Variants in PARD3B observed in about 807,000 individuals in gnomAD.
The protein encoded by PARD3B is par-3 family cell polarity regulator beta, also known as partitioning defective 3 homolog B.
In PARD3B, 103 loss-of-function variants were observed where a neutral mutation model predicts 130.2. That is an observed-to-expected ratio of 0.79 (90% CI 0.67 to 0.93). The LOEUF is 0.93. Among genes scored for constraint, PARD3B ranks in the 40% least tolerant of loss-of-function variants. The pLI is 0.00. For synonymous variants in PARD3B, 583 were observed against 553.2 expected (o/e 1.05, Z -0.76); for missense variants, 1,609 against 1,499.2 (o/e 1.07, Z -1.21).
At chr2:204,931,966 A>G (rs1688067849) in intron 2 of PARD3B, among the ~76,000 whole-genome samples, 1 of 152,034 alleles carries the variant, frequency 6.6e-6, no homozygotes, top group Non-Finnish European at 1.5e-5. Flanking sequence ...ACAGCTGCAA[A>G]ATTCTTAAGA....
chr2:204,568,871 A>G (rs768615913), intron 1 of PARD3B, among the ~76,000 whole-genome samples: 3 of 151,446 alleles, frequency 2.0e-5, no homozygotes, highest in Admixed American at 6.6e-5. Flanking sequence ...AGGGGAATCA[A>G]TTGAACCTGG....
chr2:205,277,237 T>C (rs1369062521), intron 16 of PARD3B, among the ~76,000 whole-genome samples: 1 of 152,220 alleles, frequency 6.6e-6, no homozygotes, highest in Non-Finnish European at 1.5e-5. Flanking sequence ...ACAAACAATG[T>C]ACAGAATGGG....
At chr2:205,581,283 T>TAG (rs1309815443) in intron 22 of PARD3B, among the ~76,000 whole-genome samples, 46 of 127,526 alleles carry the variant, frequency 3.6e-4, no homozygotes, top group Admixed American at 2.3e-3. Context: ...TAGATATAGA[T>TAG]ATATAGATAG....
At chr2:205,538,553 G>T (rs191683999) in intron 21 of PARD3B, among the ~76,000 whole-genome samples, 1 of 152,054 alleles carries the variant, frequency 6.6e-6, no homozygotes, top group African/African-American at 2.4e-5. Context: ...TATACATATA[G>T]TGTAAAAAAA....
intron 1 of PARD3B, among the ~76,000 whole-genome samples, chr2:204,683,382 A>G (rs913840642): frequency 1.3e-5 from 2 of 152,218 alleles, no homozygotes; most frequent in African/African-American, 4.8e-5. Flanking sequence ...ACACCTTTTC[A>G]TATCTGATCA....
chr2:205,526,697 GA>G (rs983573588), intron 21 of PARD3B, among the ~76,000 whole-genome samples: 14 of 152,048 alleles, frequency 9.2e-5, no homozygotes, highest in South Asian at 2.1e-4. Flanking sequence ...TAATTGACAT[GA>G]AAAAAAATTA....
Position 204,798,253 on chromosome 2 carries a change from C to T in PARD3B, c.222+111971C>T, listed in dbSNP as rs772486980. Among the ~76,000 whole-genome samples the T allele has an allele frequency of 7.2e-5, 11 of 152,090 alleles. No homozygotes were observed. In the East Asian group the frequency reaches 1.2e-3, roughly 16 times the overall value. ...CTGTATGCTTGAGGGAGAGAGAACGCGGTTCCTTTGGGACTTGGCGTTGGA... is the reference window on the plus strand; with the variant it reads ...CTGTATGCTTGAGGGAGAGAGAACGTGGTTCCTTTGGGACTTGGCGTTGGA... On this transcript the variant is annotated intron_variant, in intron 2 of 22. Transcript: ENST00000406610.
chr2:205,172,672 A>C (rs1487793428), intron 12 of PARD3B, among the ~76,000 whole-genome samples: 1 of 152,158 alleles, frequency 6.6e-6, no homozygotes, highest in African/African-American at 2.4e-5. Context: ...TTTTTGGTTG[A>C]TATGCTAGCA....
intron 2 of PARD3B, among the ~76,000 whole-genome samples, chr2:204,777,140 C>G (rs976655602): frequency 6.6e-6 from 1 of 152,184 alleles, no homozygotes; most frequent in African/African-American, 2.4e-5. Flanking sequence ...AGAAAAACAA[C>G]TTTGAATAAG....
intron 2 of PARD3B, among the ~76,000 whole-genome samples, chr2:204,774,243 A>T (rs1035901475): frequency 6.6e-6 from 1 of 151,754 alleles, no homozygotes; most frequent in African/African-American, 2.4e-5. Context: ...ATACTTCCTA[A>T]CATTATGTAT....
At chr2:205,218,319 A>C (rs1559553593) in intron 15 of PARD3B, among the ~76,000 whole-genome samples, 1 of 152,208 alleles carries the variant, frequency 6.6e-6, no homozygotes, top group Non-Finnish European at 1.5e-5. Flanking sequence ...ACAAAAACCT[A>C]CTGAAGTATG....
intron 10 of PARD3B, among the ~76,000 whole-genome samples, chr2:205,127,367 A>C (rs1159981668): frequency 6.6e-6 from 1 of 152,236 alleles, no homozygotes; most frequent in African/African-American, 2.4e-5. Flanking sequence ...ACAAATAGAA[A>C]CAAATGTGAT....
intron 20 of PARD3B, among the ~76,000 whole-genome samples, chr2:205,474,955 G>T (rs377713750): frequency 2.0e-5 from 3 of 152,026 alleles, no homozygotes; most frequent in African/African-American, 7.2e-5. Flanking sequence ...TTTTCAGCTC[G>T]CCTCAGCCGT....
chr2:205,566,486 T>G (rs2053337731), intron 22 of PARD3B, among the ~76,000 whole-genome samples: 2 of 152,008 alleles, frequency 1.3e-5, no homozygotes, highest in Admixed American at 1.3e-4. Flanking sequence ...GTGTTAAGAA[T>G]GGATCCACAC....
intron 15 of PARD3B, among the ~76,000 whole-genome samples, chr2:205,201,190 T>C (rs1002628903): frequency 3.3e-5 from 5 of 152,174 alleles, no homozygotes; most frequent in African/African-American, 9.7e-5. Flanking sequence ...ATTTGAGTCA[T>C]AGGAGAGCTC....
At chr2:204,825,462 G>A (rs1369624959) in intron 2 of PARD3B, among the ~76,000 whole-genome samples, 2 of 152,184 alleles carry the variant, frequency 1.3e-5, no homozygotes, top group African/African-American at 2.4e-5. Context: ...TCATTCATAT[G>A]TATTTGTGCC....
intron 2 of PARD3B, among the ~76,000 whole-genome samples, chr2:204,818,068 T>C (rs1004148369): frequency 6.6e-6 from 1 of 152,176 alleles, no homozygotes; most frequent in African/African-American, 2.4e-5. Context: ...TGCTGGTATA[T>C]CCTAATGACA....
chr2:205,510,164 A>T (rs1487604792), intron 21 of PARD3B, among the ~76,000 whole-genome samples: 2 of 152,198 alleles, frequency 1.3e-5, no homozygotes, highest in African/African-American at 4.8e-5. Context: ...CTCCTTTAAA[A>T]GTGAGAGAAT....
intron 1 of PARD3B, among the ~76,000 whole-genome samples, chr2:204,668,032 G>A (rs1350250098): frequency 6.6e-6 from 1 of 152,208 alleles, no homozygotes; most frequent in African/African-American, 2.4e-5. Context: ...CATTTCTGTT[G>A]TGGAAGGAGG....
Sources: gnomAD v4.1 joint callset for allele counts (sites outside exome capture counted in the v4.1 genomes callset) on GRCh38, gnomAD v4.1.1 for gene constraint, MANE v1.5 for transcripts, NCBI Gene and HGNC (gene_info 2026-07-23, HGNC 2026-07-21) for gene names.